DPP10: variants seen among roughly 807,000 people sequenced by gnomAD.
DPP10 encodes the protein inactive dipeptidyl peptidase 10.
DPP10 carries 33 observed loss-of-function variants against 120.9 expected under a neutral mutation model. The observed-to-expected ratio is 0.27, with a 90% CI of 0.21 to 0.37. The LOEUF (loss-of-function observed/expected upper bound fraction) is 0.37. Ranked by LOEUF, DPP10 falls within the 10% of genes least tolerant of loss-of-function variation. The pLI, the probability that DPP10 is intolerant of heterozygous loss-of-function variation, is 1.00. For synonymous variants in DPP10, 337 were observed against 326.1 expected, an observed-to-expected ratio of 1.03 and a Z score of -0.36; for missense variants, 816 against 942.8, an observed-to-expected ratio of 0.87 and a Z score of 1.76.
intron 1 of DPP10, among the ~76,000 whole-genome samples, chr2:114,736,157 T>C (rs908975593): frequency 2.0e-5 from 3 of 151,988 alleles, no homozygotes; most frequent in Non-Finnish European, 4.4e-5. Flanking sequence ...CATGTCCTCC[T>C]TTCTCTGGGC....
chr2:115,037,290 CT>C (rs1351343925), intron 1 of DPP10, among the ~76,000 whole-genome samples: 1 of 152,170 alleles, frequency 6.6e-6, no homozygotes, highest in Non-Finnish European at 1.5e-5. Context: ...AACGAATATA[CT>C]AAAGTTGTTA....
intron 1 of DPP10, among the ~76,000 whole-genome samples, chr2:114,935,506 A>G (rs1006053783): frequency 6.6e-6 from 1 of 152,170 alleles, no homozygotes; most frequent in Non-Finnish European, 1.5e-5. Context: ...AGAATTATGG[A>G]TAAGATTTGC....
chr2:114,573,134 C>T (rs1041599023), intron 1 of DPP10, among the ~76,000 whole-genome samples: 4 of 152,092 alleles, frequency 2.6e-5, no homozygotes, highest in African/African-American at 9.7e-5. Flanking sequence ...AGGCACATGC[C>T]ACCATGCCCA....
rs1170579389 is a variant in DPP10 at position 115,193,178 on chromosome 2, A to G, written c.61-116061A>G. On this transcript the variant is annotated intron_variant, in intron 1 of 25. Transcript: ENST00000410059. ...ATTCCCTTTTATAACATGTTTCACA[A>G]CTTTCACAGACAATCTTTGACATGC... is the stretch of plus-strand genomic sequence containing the variant. Among the ~76,000 whole-genome samples the G allele has an allele frequency of 2.6e-5, 4 of 152,320 alleles. 1 individual carries two copies. In the South Asian group the frequency reaches 6.2e-4, roughly 24 times the overall value.
chr2:115,072,472 T>C (rs1395194516), intron 1 of DPP10, among the ~76,000 whole-genome samples: 1 of 152,222 alleles, frequency 6.6e-6, no homozygotes, highest in Non-Finnish European at 1.5e-5. Context: ...TGTAGTACAT[T>C]CAACATCGTT....
intron 1 of DPP10, among the ~76,000 whole-genome samples, chr2:115,246,065 C>T (rs2058519883): frequency 6.6e-6 from 1 of 151,824 alleles, no homozygotes; most frequent in African/African-American, 2.4e-5. Context: ...AAGATGGAAA[C>T]CTGAAGAAGA....
chr2:115,301,468 CT>C (rs5833587), intron 1 of DPP10, among the ~76,000 whole-genome samples: 115,147 of 135,984 alleles, frequency 0.85, 48,743 homozygotes, highest in East Asian at 0.89. Flanking sequence ...AAGTGGGCTA[CT>C]TTTTTTTTTT....
intron 5 of DPP10, among the ~76,000 whole-genome samples, chr2:115,688,161 A>G (rs1223400608): frequency 1.3e-5 from 2 of 152,160 alleles, no homozygotes; most frequent in African/African-American, 4.8e-5. Context: ...ACACAAAGTA[A>G]ATGTCAAAGT....
chr2:115,765,148 T>C (rs1280580609), intron 12 of DPP10, among the ~76,000 whole-genome samples: 1 of 152,136 alleles, frequency 6.6e-6, no homozygotes, highest in Non-Finnish European at 1.5e-5. Context: ...GCAGATTTTT[T>C]AGTCCAGCAA....
intron 1 of DPP10, among the ~76,000 whole-genome samples, chr2:114,713,336 C>T (rs1001795729): frequency 6.6e-6 from 1 of 152,016 alleles, no homozygotes; most frequent in African/African-American, 2.4e-5. Flanking sequence ...TTTATTATTT[C>T]CTTAAAATAA....
chr2:115,326,527 C>G (rs932869635), intron 2 of DPP10, among the ~76,000 whole-genome samples: 1 of 151,942 alleles, frequency 6.6e-6, no homozygotes, highest in Non-Finnish European at 1.5e-5. Flanking sequence ...ATAATAGCCT[C>G]ACGAATGTTC....
At chr2:115,329,970 G>A (rs988032102) in intron 2 of DPP10, among the ~76,000 whole-genome samples, 5 of 152,136 alleles carry the variant, frequency 3.3e-5, no homozygotes, top group African/African-American at 9.7e-5. Context: ...GGATCACTGG[G>A]TCAAATGGTA....
intron 1 of DPP10, among the ~76,000 whole-genome samples, chr2:115,206,950 C>G (rs764185603): frequency 1.3e-5 from 2 of 152,158 alleles, no homozygotes; most frequent in African/African-American, 2.4e-5. Flanking sequence ...GAACTAGAAA[C>G]AGAACATGAA....
chr2:114,690,896 G>C (rs1195561466), intron 1 of DPP10, among the ~76,000 whole-genome samples: 1 of 151,984 alleles, frequency 6.6e-6, no homozygotes, highest in Non-Finnish European at 1.5e-5. Context: ...AGGAATGCTA[G>C]CAATTTTTGC....
intron 1 of DPP10, among the ~76,000 whole-genome samples, chr2:115,208,206 T>C (rs867575068): frequency 2.2e-5 from 2 of 89,200 alleles, no homozygotes; most frequent in Non-Finnish European, 4.1e-5. Flanking sequence ...TTTTTTTTTC[T>C]TTTTTTTTTT....
At position 114,859,272 on chromosome 2, in the gene DPP10, G is replaced by A. The variant is rs571674513; in HGVS notation, c.60+416434G>A. Among the ~76,000 whole-genome samples, 3 of 152,006 alleles carry A rather than the reference G, an allele frequency of 2.0e-5. No homozygotes were observed. The South Asian group carries it at 6.2e-4, about 32-fold the overall frequency. On this transcript the variant is annotated intron_variant, in intron 1 of 25. Transcript: ENST00000410059. The stretch of plus-strand genomic sequence containing the variant: ...ATCCCAGTAACTTGGGAGGCGGGAG[G>A]CAGGAGAATCGTTTGAACCCAGGAG...
intron 1 of DPP10, among the ~76,000 whole-genome samples, chr2:115,117,545 C>T (rs1236967315): frequency 1.3e-5 from 2 of 152,190 alleles, no homozygotes; most frequent in Non-Finnish European, 2.9e-5. Flanking sequence ...GATTTCAAGG[C>T]TGCAATGAGC....
intron 5 of DPP10, among the ~76,000 whole-genome samples, chr2:115,685,426 G>A (rs923090647): frequency 2.0e-5 from 3 of 151,924 alleles, no homozygotes; most frequent in Non-Finnish European, 4.4e-5. Flanking sequence ...CTACAACAGA[G>A]TTTTCCATAC....
intron 5 of DPP10, among the ~76,000 whole-genome samples, chr2:115,540,190 A>C (rs1405246571): frequency 6.6e-6 from 1 of 152,012 alleles, no homozygotes; most frequent in East Asian, 1.9e-4. Context: ...TTTCACAGCA[A>C]ATTTTTGTTA....
Sources: allele counts gnomAD v4.1 joint callset (sites outside exome capture counted in the v4.1 genomes callset), GRCh38; gene constraint gnomAD v4.1.1; transcripts MANE v1.5; gene names NCBI Gene and HGNC (gene_info 2026-07-23, HGNC 2026-07-21).